MDGA2: variants seen among roughly 807,000 people sequenced by gnomAD.
The protein encoded by MDGA2 is MAM domain-containing glycosylphosphatidylinositol anchor protein 2.
A neutral mutation model predicts 117.8 loss-of-function variants in MDGA2; 40 were observed. The observed-to-expected ratio is 0.34, with a 90% CI of 0.26 to 0.44. The LOEUF (loss-of-function observed/expected upper bound fraction) is 0.44. MDGA2 is among the 20% of genes least tolerant of loss of function. The pLI is 1.00. For missense variants in MDGA2, 1,123 were observed against 1,250.6 expected, an observed-to-expected ratio of 0.90 and a Z score of 1.54; for synonymous variants, 452 against 439.0, an observed-to-expected ratio of 1.03 and a Z score of -0.37.
intron 1 of MDGA2, among the ~76,000 whole-genome samples, chr14:47,595,230 G>A (rs1446852200): frequency 2.7e-5 from 4 of 145,480 alleles, no homozygotes; most frequent in Non-Finnish European, 6.1e-5. Context: ...CAGATCTATA[G>A]CATTAGAGAA....
At chr14:47,262,147 T>C (rs1160656494) in intron 2 of MDGA2, among the ~76,000 whole-genome samples, 2 of 152,146 alleles carry the variant, frequency 1.3e-5, no homozygotes, top group African/African-American at 4.8e-5. Flanking sequence ...TGCAAAAGAC[T>C]TTTTCAAATC....
In MDGA2 at chr14:46,840,855, G is replaced by A. The variant is rs1447310164; in HGVS notation, c.*1076C>T. On this transcript the variant is annotated 3_prime_UTR_variant, in exon 17 of 17. Coordinates refer to ENST00000399232, the MANE Select transcript of MDGA2 (RefSeq NM_001113498.3). ...GAAAAAAAGTGTTGCTCCATGTCTGGTCTCAATGGAAGTGATTTTCTAATG... is the reference window on the plus strand; with the variant it reads ...GAAAAAAAGTGTTGCTCCATGTCTGATCTCAATGGAAGTGATTTTCTAATG... The A allele has an allele frequency of 1.3e-5, 2 of 152,560 alleles. No individual in the cohort carries two copies. Among genetic ancestry groups the A allele is most frequent in the African/African-American group, 4.8e-5 (2 of 41,424 alleles). The allele number at this position is 152,560 out of a possible 1,614,324, so 9.5% of individuals were successfully genotyped here.
chr14:46,853,072 A>C (rs1249446567), intron 15 of MDGA2, among the ~76,000 whole-genome samples: 1 of 151,982 alleles, frequency 6.6e-6, no homozygotes, highest in Non-Finnish European at 1.5e-5. Context: ...GGTTATTATA[A>C]CTGGATTTCA....
chr14:47,164,610 T>C (rs1883785633), intron 3 of MDGA2, among the ~76,000 whole-genome samples: 1 of 152,142 alleles, frequency 6.6e-6, no homozygotes, highest in Non-Finnish European at 1.5e-5. Flanking sequence ...CAACAGGTGT[T>C]GGAGAGGATG....
chr14:47,499,424 T>C (rs1400936296), intron 1 of MDGA2, among the ~76,000 whole-genome samples: 1 of 152,176 alleles, frequency 6.6e-6, no homozygotes, highest in Admixed American at 6.5e-5. Flanking sequence ...CCCCCATTGA[T>C]ACAGAATTAA....
At chr14:47,219,575 A>G (rs1028666811) in intron 2 of MDGA2, among the ~76,000 whole-genome samples, 11 of 152,168 alleles carry the variant, frequency 7.2e-5, no homozygotes, top group African/African-American at 1.4e-4. Context: ...TTCACTTAGC[A>G]ATTATCTGGT....
intron 8 of MDGA2, among the ~76,000 whole-genome samples, chr14:46,971,853 A>G (rs1416922006): frequency 6.6e-6 from 1 of 152,150 alleles, no homozygotes; most frequent in Non-Finnish European, 1.5e-5. Context: ...ACATCCTCAC[A>G]TGTACCTCAT....
intron 7 of MDGA2, among the ~76,000 whole-genome samples, chr14:47,049,496 A>C (rs1555346611): frequency 6.6e-6 from 1 of 152,022 alleles, no homozygotes; most frequent in Non-Finnish European, 1.5e-5. Context: ...TATTTGTATA[A>C]TTTTTATTGT....
At chr14:47,307,677 T>G (rs80205816) in intron 1 of MDGA2, among the ~76,000 whole-genome samples, 13,408 of 151,130 alleles carry the variant, frequency 0.089, 717 homozygotes, top group Non-Finnish European at 0.11. Context: ...GACAGAGAGA[T>G]ACTCTGTGGG....
chr14:47,236,095 A>G (rs1886849593), intron 2 of MDGA2, among the ~76,000 whole-genome samples: 2 of 152,086 alleles, frequency 1.3e-5, no homozygotes, highest in Non-Finnish European at 2.9e-5. Flanking sequence ...GATCGAGACC[A>G]TTTTGGCTAA....
At position 46,967,678 on chromosome 14, in the gene MDGA2, C is replaced by G. The variant is rs150587956; in HGVS notation, c.1820-10035G>C. On this transcript the variant is annotated intron_variant, in intron 8 of 16. Coordinates refer to ENST00000399232, the MANE Select transcript of MDGA2 (RefSeq NM_001113498.3). ...GTTGTATTCACTACAGTTGTCCCCC[C>G]TTATCCATGCAAGATACATTCCAAG... Among the ~76,000 whole-genome samples, 1,279 of 152,238 alleles carry G rather than the reference C, an allele frequency of 8.4e-3. 17 individuals carry two copies. Among genetic ancestry groups the G allele is most frequent in the African/African-American group, 0.029 (1,214 of 41,534 alleles).
At chr14:47,401,924 A>G (rs1265643110) in intron 1 of MDGA2, among the ~76,000 whole-genome samples, 1 of 152,240 alleles carries the variant, frequency 6.6e-6, no homozygotes, top group Non-Finnish European at 1.5e-5. Context: ...ACAGTAAATT[A>G]TCAATATTCA....
intron 1 of MDGA2, among the ~76,000 whole-genome samples, chr14:47,482,206 T>C (rs1344354678): frequency 2.0e-5 from 3 of 151,844 alleles, no homozygotes; most frequent in Non-Finnish European, 4.4e-5. Flanking sequence ...GGCTCCCAGG[T>C]GTGGGAGAAA....
intron 11 of MDGA2, among the ~76,000 whole-genome samples, chr14:46,879,031 A>T (rs1347801938): frequency 1.3e-5 from 2 of 152,008 alleles, no homozygotes; most frequent in African/African-American, 2.4e-5. Flanking sequence ...TGCATGTATA[A>T]TTTTTTTATA....
At chr14:47,668,170 T>C (rs1898010812) in intron 1 of MDGA2, among the ~76,000 whole-genome samples, 1 of 152,160 alleles carries the variant, frequency 6.6e-6, no homozygotes, top group Non-Finnish European at 1.5e-5. Context: ...AAACAGTTTT[T>C]AAAAATGTAA....
intron 7 of MDGA2, among the ~76,000 whole-genome samples, chr14:47,059,779 CCAAA>C (rs775009774): frequency 2.6e-5 from 4 of 151,990 alleles, no homozygotes; most frequent in Admixed American, 6.6e-5. Flanking sequence ...CCAAACCAAA[CCAAA>C]CAAAGAAATG....
rs369730432 is a variant in MDGA2, at chr14:47,118,078, C to T, written c.925+13636G>A. Among the ~76,000 whole-genome samples, 104 of 152,280 alleles carry T rather than the reference C, an allele frequency of 6.8e-4. 2 individuals carry two copies. Among genetic ancestry groups the T allele is most frequent in the African/African-American group, 2.4e-3 (99 of 41,560 alleles). On this transcript the variant is annotated intron_variant, in intron 5 of 16. Coordinates refer to ENST00000399232, the MANE Select transcript of MDGA2 (RefSeq NM_001113498.3). ...TGAATAAAATGACAATTTTAAACTACAGACCTTGTAGTAGGTGTCATTACT... is the reference window on the plus strand; with the variant it reads ...TGAATAAAATGACAATTTTAAACTATAGACCTTGTAGTAGGTGTCATTACT...
intron 2 of MDGA2, among the ~76,000 whole-genome samples, chr14:47,265,055 A>T (rs1887920139): frequency 6.6e-6 from 1 of 152,146 alleles, no homozygotes; most frequent in Non-Finnish European, 1.5e-5. Flanking sequence ...CAAAACAAAA[A>T]GCTTCGATTT....
At chr14:47,383,765 T>G (rs1191016825) in intron 1 of MDGA2, among the ~76,000 whole-genome samples, 1 of 152,130 alleles carries the variant, frequency 6.6e-6, no homozygotes, top group Non-Finnish European at 1.5e-5. Flanking sequence ...CCTCCTGTGA[T>G]CCACACGCCT....
Sources: allele counts gnomAD v4.1 joint callset (sites outside exome capture counted in the v4.1 genomes callset), GRCh38; gene constraint gnomAD v4.1.1; transcripts MANE v1.5; gene names NCBI Gene and HGNC (gene_info 2026-07-23, HGNC 2026-07-21).